ARID5B: variants seen among roughly 807,000 people sequenced by gnomAD.
ARID5B encodes the protein AT-rich interactive domain-containing protein 5B.
In ARID5B, 13 loss-of-function variants were observed where a neutral mutation model predicts 97.2. The ratio of observed to expected loss-of-function variants is 0.13; its 90% confidence interval spans 0.09 to 0.21. The LOEUF is 0.21. Ranked by LOEUF, ARID5B falls within the 10% of genes least tolerant of loss-of-function variation. ARID5B has a pLI of 1.00. For synonymous variants in ARID5B, 556 were observed against 570.3 expected (o/e 0.97, Z 0.36); for missense variants, 1,210 against 1,465.3 (o/e 0.83, Z 2.84).
At chr10:61,949,540 G>A (rs926959838) in intron 3 of ARID5B, among the ~76,000 whole-genome samples, 18 of 152,164 alleles carry the variant, frequency 1.2e-4, no homozygotes, top group African/African-American at 4.3e-4. Context: ...GGGAGGCTGA[G>A]GCAGGAGAAT....
intron 2 of ARID5B, among the ~76,000 whole-genome samples, chr10:61,921,620 A>C (rs1351519933): frequency 1.3e-5 from 2 of 152,086 alleles, no homozygotes; most frequent in Non-Finnish European, 2.9e-5. Context: ...ACTTTTGCCT[A>C]ATTCTGTTTG....
chr10:62,083,284 GAAA>G (rs35649259), intron 8 of ARID5B, among the ~76,000 whole-genome samples: 7 of 100,306 alleles, frequency 7.0e-5, no homozygotes, highest in African/African-American at 1.7e-4. Context: ...GTGAAGGGGA[GAAA>G]AAAAAAAAAA....
At chr10:61,992,746 C>G (rs1838943930) in intron 3 of ARID5B, among the ~76,000 whole-genome samples, 1 of 152,012 alleles carries the variant, frequency 6.6e-6, no homozygotes, top group African/African-American at 2.4e-5. Context: ...TCTCCTTGTT[C>G]TGTTATGTTA....
intron 3 of ARID5B, among the ~76,000 whole-genome samples, chr10:61,946,677 CTT>C (rs1838240769): frequency 1.3e-5 from 2 of 152,214 alleles, no homozygotes; most frequent in African/African-American, 2.4e-5. Context: ...AATCCCAAAA[CTT>C]TGGGAGGCCA....
intron 4 of ARID5B, chr10:62,024,820 G>A (rs754103756): frequency 2.9e-5 from 11 of 375,046 alleles, no homozygotes; most frequent in Non-Finnish European, 5.2e-5. Flanking sequence ...TATTCTTTTC[G>A]GGTTCTGAAA....
intron 7 of ARID5B, among the ~76,000 whole-genome samples, chr10:62,067,350 T>G (rs1840007531): frequency 6.6e-6 from 1 of 152,256 alleles, no homozygotes; most frequent in African/African-American, 2.4e-5. Context: ...CCCAAAGTGC[T>G]GGGGTTATAG....
At chr10:61,916,725 C>T (rs766656372) in intron 2 of ARID5B, among the ~76,000 whole-genome samples, 3 of 152,038 alleles carry the variant, frequency 2.0e-5, no homozygotes, top group African/African-American at 4.8e-5. Context: ...GTAGAGGAAA[C>T]GGGAAGTATA....
At position 62,093,058 on chromosome 10, in the gene ARID5B, G is replaced by A. The variant is rs545433664; in HGVS notation, c.*28G>A. On this transcript the variant is annotated 3_prime_UTR_variant, in exon 10 of 10. Coordinates refer to ENST00000279873, the MANE Select transcript of ARID5B (RefSeq NM_032199.3). Reference sequence around the variant, plus strand: ...TCAGCTCTGCCCAGCAGTCCAAAGCGGCATGGCCAACAGAGCTTCACTCCT... The same window carrying A: ...TCAGCTCTGCCCAGCAGTCCAAAGCAGCATGGCCAACAGAGCTTCACTCCT... The A allele has an allele frequency of 8.9e-6, 14 of 1,575,260 alleles. No individual in the cohort carries two copies. The East Asian group carries it at 2.0e-4, about 23-fold the overall frequency.
intron 4 of ARID5B, among the ~76,000 whole-genome samples, chr10:62,014,488 T>C (rs1160383065): frequency 1.3e-5 from 2 of 152,278 alleles, no homozygotes; most frequent in South Asian, 4.1e-4. Flanking sequence ...TAAAAGGCTT[T>C]GCTAGGTAAA....
intron 3 of ARID5B, among the ~76,000 whole-genome samples, chr10:61,962,319 G>A (rs997445557): frequency 6.6e-6 from 1 of 152,166 alleles, no homozygotes; most frequent in Non-Finnish European, 1.5e-5. Context: ...CACTTTAGCA[G>A]CACACAAAAA....
intron 3 of ARID5B, 126 bp downstream of exon 3, chr10:61,940,534 G>T: frequency 2.4e-6 from 2 of 836,428 alleles, no homozygotes; most frequent in Non-Finnish European, 3.7e-6. Context: ...ACCTCAAAGG[G>T]TCCTAAGAAT....
At chr10:61,952,156 T>G (rs1838332322) in intron 3 of ARID5B, among the ~76,000 whole-genome samples, 1 of 152,154 alleles carries the variant, frequency 6.6e-6, no homozygotes, top group South Asian at 2.1e-4. Flanking sequence ...AACTGCCTGG[T>G]TTTCTTTCTC....
At chr10:61,934,140 T>C (rs1844258214) in intron 2 of ARID5B, among the ~76,000 whole-genome samples, 1 of 152,222 alleles carries the variant, frequency 6.6e-6, no homozygotes, top group South Asian at 2.1e-4. Flanking sequence ...TCAACCTCTG[T>C]TAGCTTCCAA....
intron 7 of ARID5B, among the ~76,000 whole-genome samples, chr10:62,067,107 C>T (rs894129068): frequency 2.7e-5 from 4 of 150,294 alleles, no homozygotes; most frequent in Admixed American, 6.6e-5. Context: ...TTTTTTGAGA[C>T]GGAGTTTTGC....
intron 4 of ARID5B, chr10:62,024,862 A>T (rs928170948): frequency 2.8e-6 from 1 of 361,008 alleles, no homozygotes. Flanking sequence ...AATATCGAGA[A>T]TGGCTCTGTA....
rs368044429 is a variant in ARID5B, at chr10:61,909,569, C to T, written c.276+7156C>T. ...CCCGATCTCCTGACCTCGTGATCCA[C>T]CCGCCTTGGCCTCCCAAAGTGCTGG... On this transcript the variant is annotated intron_variant, in intron 2 of 9. Transcript: ENST00000279873. Among the ~76,000 whole-genome samples, 238 of 152,312 alleles carry T rather than the reference C, an allele frequency of 1.6e-3. No individual in the cohort carries two copies. The Middle Eastern group carries it at 0.017, about 11-fold the overall frequency.
chr10:61,991,098 T>C (rs893594324), intron 3 of ARID5B, among the ~76,000 whole-genome samples: 5 of 151,462 alleles, frequency 3.3e-5, no homozygotes, highest in Non-Finnish European at 5.9e-5. Flanking sequence ...TGTTCATCTA[T>C]TGAGGAACTA....
At chr10:61,917,794 T>C (rs1486768723) in intron 2 of ARID5B, among the ~76,000 whole-genome samples, 1 of 152,174 alleles carries the variant, frequency 6.6e-6, no homozygotes, top group African/African-American at 2.4e-5. Flanking sequence ...GCCAGGGCTC[T>C]GGAGTCTGGA....
chr10:61,960,331 C>T (rs1838453524), intron 3 of ARID5B, among the ~76,000 whole-genome samples: 1 of 152,122 alleles, frequency 6.6e-6, no homozygotes, highest in Non-Finnish European at 1.5e-5. Flanking sequence ...CCTACTGAAA[C>T]TCCTTTTGGT....
Sources: gnomAD v4.1 joint callset for allele counts (sites outside exome capture counted in the v4.1 genomes callset) on GRCh38, gnomAD v4.1.1 for gene constraint, MANE v1.5 for transcripts, NCBI Gene and HGNC (gene_info 2026-07-23, HGNC 2026-07-21) for gene names.